Variants in NLRP1 observed in about 807,000 individuals in gnomAD.
NLRP1 encodes the protein NLR family pyrin domain containing 1, also known as NACHT, LRR and PYD domains-containing protein 1.
A neutral mutation model predicts 136.7 loss-of-function variants in NLRP1; 94 were observed. That is an observed-to-expected ratio of 0.69 (90% CI 0.58 to 0.82). The LOEUF is 0.82. Among genes scored for constraint, NLRP1 ranks in the 40% least tolerant of loss-of-function variants. NLRP1 has a pLI of 0.00. For synonymous variants in NLRP1, 690 were observed against 725.1 expected, an observed-to-expected ratio of 0.95 and a Z score of 0.78; for missense variants, 1,575 against 1,802.7, an observed-to-expected ratio of 0.87 and a Z score of 2.29.
At position 5,558,591 on chromosome 17, in the gene NLRP1, T is replaced by C. The variant is rs764582510; in HGVS notation, c.2105A>G (p.Gln702Arg). Residue 702 changes from glutamine to arginine, a missense_variant, in exon 4 of 17, where the codon CAG becomes CGG. Transcript: ENST00000572272. Reference sequence around the variant, plus strand: ...CAGCAGCTGCAGGGACGGGACCCACTGCATCAGGTTCCTCCCCTGAGACAG... The same window carrying C: ...CAGCAGCTGCAGGGACGGGACCCACCGCATCAGGTTCCTCCCCTGAGACAG... Reference protein sequence around the residue: ...CRLSQGRNLMQWVPSLQLLLQ... With the variant: ...CRLSQGRNLMRWVPSLQLLLQ... The C allele has an allele frequency of 4.3e-6, 7 of 1,613,986 alleles. No individual in the cohort carries two copies. The highest frequency in any genetic ancestry group is 3.3e-4 in the Middle Eastern group (2 of 6,084).
chr17:5,513,497 A>G (rs1485537980), downstream of NLRP1, among the ~76,000 whole-genome samples: 1 of 152,232 alleles, frequency 6.6e-6, no homozygotes, highest in Admixed American at 6.5e-5. Flanking sequence ...GGACGGTTCA[A>G]GTTTATGTCT....
At chr17:5,581,833 C>T in intron 3 of NLRP1, 26 bp downstream of exon 3, 1 of 1,594,172 alleles carries the variant, frequency 6.3e-7, no homozygotes, top group South Asian at 1.1e-5. Context: ...CCTCACCACC[C>T]CGCCAGGAGC....
At chr17:5,579,839 T>C (rs1905407839) in intron 3 of NLRP1, among the ~76,000 whole-genome samples, 1 of 152,156 alleles carries the variant, frequency 6.6e-6, no homozygotes, top group Non-Finnish European at 1.5e-5. Context: ...CATGTTCTCA[T>C]TCATAAGTTA....
intron 5 of NLRP1, among the ~76,000 whole-genome samples, chr17:5,546,318 T>C (rs751077439): frequency 1.3e-5 from 2 of 152,236 alleles, no homozygotes; most frequent in Non-Finnish European, 2.9e-5. Context: ...TAAAGGATGC[T>C]GCTGCTGTGG....
In NLRP1 at chr17:5,556,157, CACACAT is replaced by C. The variant is rs772696520; in HGVS notation, c.2357+2176_2357+2181del. ...ACACACACACACACACACACACACA[CACACAT>C]GAAGGGCTGGGCATGGTGGCTCACA... On this transcript the variant is annotated intron_variant, in intron 4 of 16. Transcript: ENST00000572272. Among the ~76,000 whole-genome samples the C allele has an allele frequency of 4.8e-4, 65 of 135,194 alleles. No homozygotes were observed. The Middle Eastern group carries it at 0.015, about 31-fold the overall frequency. 88.7% of individuals were successfully genotyped at this position (135,194 alleles called of 152,430 possible). A position where few individuals can be genotyped will look rare whatever the true frequency, so the allele number is the denominator to read the frequency against.
intron 12 of NLRP1, among the ~76,000 whole-genome samples, chr17:5,529,226 T>C (rs914015109): frequency 2.0e-5 from 3 of 152,240 alleles, no homozygotes; most frequent in African/African-American, 7.2e-5. Flanking sequence ...AAGTCTCATA[T>C]GTCTCAATAC....
intron 5 of NLRP1, among the ~76,000 whole-genome samples, chr17:5,545,348 A>C: frequency 6.9e-6 from 1 of 144,390 alleles, no homozygotes. Context: ...ACACACACAC[A>C]CACACACACA....
At chr17:5,535,049 G>A (rs868254523) in intron 8 of NLRP1, among the ~76,000 whole-genome samples, 1 of 152,066 alleles carries the variant, frequency 6.6e-6, no homozygotes, top group Non-Finnish European at 1.5e-5. Flanking sequence ...GTAAAACCCC[G>A]TCTCTACTAA....
At chr17:5,566,098 C>T (rs1005104490) in intron 3 of NLRP1, among the ~76,000 whole-genome samples, 2 of 151,686 alleles carry the variant, frequency 1.3e-5, no homozygotes, top group African/African-American at 2.4e-5. Flanking sequence ...AAAGGTTTGT[C>T]GATTTTAACT....
intron 4 of NLRP1, among the ~76,000 whole-genome samples, chr17:5,555,397 C>T (rs9916286): frequency 0.29 from 43,339 of 151,984 alleles, 7,899 homozygotes; most frequent in Non-Finnish European, 0.4. Context: ...CCTTGTCTAG[C>T]TGATTCAGTT....
chr17:5,565,110 T>G (rs1303380502), intron 3 of NLRP1, among the ~76,000 whole-genome samples: 1 of 152,208 alleles, frequency 6.6e-6, no homozygotes, highest in African/African-American at 2.4e-5. Context: ...CCACCAACAG[T>G]GTATGAGAGT....
intron 9 of NLRP1, 99 bp downstream of exon 9, chr17:5,533,798 G>A (rs1490061823): frequency 2.1e-5 from 17 of 812,422 alleles, no homozygotes; most frequent in Admixed American, 1.3e-4. Flanking sequence ...AACCTGCCCC[G>A]TCCCACATCA....
chr17:5,541,218 G>A lies in NLRP1; in HGVS notation c.2699+639C>T, dbSNP rs1911823615. ...CCACCATCACGCCTGGCTACTTTGTGTAGTTTTAGTAGAGACAAGGTTTCA... is the reference window on the plus strand; with the variant it reads ...CCACCATCACGCCTGGCTACTTTGTATAGTTTTAGTAGAGACAAGGTTTCA... On this transcript the variant is annotated intron_variant, in intron 6 of 16. Transcript: ENST00000572272. The surrounding 1 kb of genome is among the most constrained non-coding windows in gnomAD (Gnocchi z 4.2). Among the ~76,000 whole-genome samples, 1 of 152,094 alleles carries A rather than the reference G, an allele frequency of 6.6e-6. No individual in the cohort carries two copies. The highest frequency in any genetic ancestry group is 1.5e-5 in the Non-Finnish European group (1 of 68,016).
At chr17:5,508,647 G>A (rs911789127) in intron 15 of NLRP1, among the ~76,000 whole-genome samples, 3 of 152,338 alleles carry the variant, frequency 2.0e-5, no homozygotes, top group South Asian at 4.1e-4. Flanking sequence ...GAATAGTTAA[G>A]TAAATGATAT....
At chr17:5,574,311 A>G (rs1343983935) in intron 3 of NLRP1, among the ~76,000 whole-genome samples, 1 of 152,230 alleles carries the variant, frequency 6.6e-6, no homozygotes, top group East Asian at 1.9e-4. Flanking sequence ...ACTATGTGAA[A>G]AGACCAAATC....
chr17:5,575,693 C>G lies in NLRP1; in HGVS notation c.652+6166G>C, dbSNP rs1395955607. The stretch of plus-strand genomic sequence containing the variant: ...TAATAATGGGAGACTTTAACACCCC[C>G]CTGTCAACATTAGACAGATCAACGA... On this transcript the variant is annotated intron_variant, in intron 3 of 16. Transcript: ENST00000572272. 4.6e-5 allele frequency among the ~76,000 whole-genome samples: 7 copies of G among 152,200 alleles called. No individual in the cohort carries two copies. In the South Asian group the frequency reaches 6.2e-4, roughly 14 times the overall value.
chr17:5,515,415 C>T (rs1272515906), intron 16 of NLRP1, 58 bp downstream of exon 16: 8 of 1,394,598 alleles, frequency 5.7e-6, no homozygotes, highest in Non-Finnish European at 7.1e-6. Context: ...TCCCCCAGAA[C>T]CAGACAGTAC....
In NLRP1 at chr17:5,559,744, A is replaced by G. The variant is rs374999246; in HGVS notation, c.952T>C (p.Phe318Leu). 6.2e-7 allele frequency: 1 copy of G among 1,614,266 alleles called. No individual in the cohort carries two copies. The highest frequency in any genetic ancestry group is 1.1e-5 in the South Asian group (1 of 91,090). Residue 318 changes from phenylalanine (F) to leucine (L), a missense_variant, in exon 4 of 17, where the codon TTT becomes CTT. By Grantham distance (22) the Phe-to-Leu change is conservative (BLOSUM62 0). Coordinates refer to ENST00000572272, the MANE Select transcript of NLRP1 (RefSeq NM_033004.4). ...RGHLIEIRDL[F>L]GPGLDTQEPR... ...TCTTGGGTATCCAGGCCTGGGCCAAATAAGTCTCTGATCTCAATTAAATGT... is the reference window on the plus strand; with the variant it reads ...TCTTGGGTATCCAGGCCTGGGCCAAGTAAGTCTCTGATCTCAATTAAATGT...
chr17:5,541,717 C>T lies in NLRP1; in HGVS notation c.2699+140G>A. The T allele has an allele frequency of 1.2e-6, 1 of 808,920 alleles. No homozygotes were observed. Among genetic ancestry groups the T allele is most frequent in the Non-Finnish European group, 2.0e-6 (1 of 511,542 alleles). The allele number at this position is 808,920 out of a possible 1,614,324, so 50.1% of individuals were successfully genotyped here. ...AGGGTGGATGAGCTTCCTCCTGAGC[C>T]TCTACTGCCTGGCTGAGATCCTGTA... On this transcript the variant is annotated intron_variant, in intron 6 of 16. Transcript: ENST00000572272. This position sits in a 1 kb window ranked among gnomAD's most constrained non-coding sequence, Gnocchi z 4.2.
Sources: gnomAD v4.1 joint callset for allele counts (sites outside exome capture counted in the v4.1 genomes callset) on GRCh38, gnomAD v4.1.1 for gene constraint, Gnocchi (gnomAD v3.1) non-coding constraint, MANE v1.5 for transcripts, NCBI Gene and HGNC (gene_info 2026-07-23, HGNC 2026-07-21) for gene names.